Variants in ZNF516 observed in about 807,000 individuals in gnomAD.
The protein encoded by ZNF516 is zinc finger protein 516.
In ZNF516, 19 loss-of-function variants were observed where a neutral mutation model predicts 79.7. That is an observed-to-expected ratio of 0.24 (90% CI 0.17 to 0.35). ZNF516 has a LOEUF of 0.35. ZNF516 is among the 10% of genes least tolerant of loss of function. The probability of loss-of-function intolerance (pLI) is 1.00; values close to 1 mark genes in which losing one functional copy is unlikely to be tolerated. For synonymous variants in ZNF516, 877 were observed against 739.5 expected, an observed-to-expected ratio of 1.19 and a Z score of -3.02; for missense variants, 1,678 against 1,679.5, an observed-to-expected ratio of 1.00 and a Z score of 0.02.
In ZNF516 at chr18:76,370,576, C is replaced by A. The variant is rs374036186; in HGVS notation, c.3384G>T (p.Gly1128=). 3.1e-6 allele frequency: 5 copies of A among 1,605,470 alleles called. No homozygotes were observed. Among genetic ancestry groups the A allele is most frequent in the Non-Finnish European group, 1.7e-6 (2 of 1,175,672 alleles). ...TGGTATGAACTTCAGAACCCCGAGG[C>A]CCATCGGACTCAAACACCACTGTGG... ...RAHSVVFESD[G]PRGSEVHTTS... The change falls in exon 6 of 7, where the codon GGG becomes GGT. Residue 1128 remains glycine, a synonymous_variant. Coordinates refer to ENST00000443185, the MANE Select transcript of ZNF516 (RefSeq NM_014643.4).
intron 2 of ZNF516, 47 bp from the exon 3 acceptor site, chr18:76,443,258 G>A: frequency 1.4e-6 from 1 of 734,740 alleles, no homozygotes; most frequent in Non-Finnish European, 2.1e-6. Flanking sequence ...GGCTAAGAGG[G>A]CACAGGCATG....
chr18:76,371,486 G>T lies in ZNF516; in HGVS notation c.3345C>A (p.Ala1115=). Residue 1115 remains alanine, a synonymous_variant, in exon 5 of 7, where the codon GCC becomes GCA. Coordinates refer to ENST00000443185, the MANE Select transcript of ZNF516 (RefSeq NM_014643.4). ...CGATACCTGAGTGTGCCCGCATGTG[G>T]GCCCTGAGGTGGCCGGGCTGGTGGA... ...KSFHQPGHLR[A]HMRAHSVVFE... 6.2e-7 allele frequency: 1 copy of T among 1,608,728 alleles called. No homozygotes were observed.
chr18:76,398,199 T>C (rs983251288), intron 3 of ZNF516, among the ~76,000 whole-genome samples: 2 of 152,236 alleles, frequency 1.3e-5, no homozygotes, highest in Non-Finnish European at 2.9e-5. Context: ...GTGAATCGAA[T>C]TCAAGTTGGC....
intron 1 of ZNF516, among the ~76,000 whole-genome samples, chr18:76,466,598 T>A (rs1913487332): frequency 6.6e-6 from 1 of 152,034 alleles, no homozygotes. Flanking sequence ...CTCCAGGAGA[T>A]CTAGTCAAGG....
intron 2 of ZNF516, among the ~76,000 whole-genome samples, chr18:76,458,778 C>A (rs373117880): frequency 1.4e-5 from 2 of 142,906 alleles, no homozygotes; most frequent in African/African-American, 5.3e-5. Context: ...GCCTCGTGTG[C>A]GTGCCTCACC....
intron 3 of ZNF516, among the ~76,000 whole-genome samples, chr18:76,424,641 C>CA (rs2075565612): frequency 7.6e-6 from 1 of 132,126 alleles, no homozygotes; most frequent in Non-Finnish European, 1.6e-5. Context: ...CCCCGAAACA[C>CA]ACGCAGGTGA....
intron 3 of ZNF516, among the ~76,000 whole-genome samples, chr18:76,420,234 A>T (rs892181535): frequency 4.6e-5 from 7 of 152,234 alleles, no homozygotes; most frequent in Non-Finnish European, 1.0e-4. Flanking sequence ...GCAGCTGGAG[A>T]TGGTGTAAAA....
At chr18:76,370,375 G>A (rs530452706) in intron 6 of ZNF516, among the ~76,000 whole-genome samples, 153 bp downstream of exon 6, 2 of 152,234 alleles carry the variant, frequency 1.3e-5, no homozygotes, top group South Asian at 2.1e-4. Flanking sequence ...AGACGGCCCC[G>A]AAGGGTCAGG....
intron 3 of ZNF516, among the ~76,000 whole-genome samples, chr18:76,406,553 G>C (rs2075306905): frequency 2.0e-5 from 3 of 152,148 alleles, no homozygotes; most frequent in Admixed American, 6.5e-5. Flanking sequence ...GACAGAGCGA[G>C]ACTCTGTCTA....
intron 2 of ZNF516, among the ~76,000 whole-genome samples, chr18:76,461,309 C>T (rs1446123274): frequency 6.6e-6 from 1 of 152,232 alleles, no homozygotes; most frequent in Non-Finnish European, 1.5e-5. Flanking sequence ...GCCAGTGTCT[C>T]GTCTAACAGA....
At chr18:76,419,548 A>G (rs1356222846) in intron 3 of ZNF516, among the ~76,000 whole-genome samples, 1 of 152,240 alleles carries the variant, frequency 6.6e-6, no homozygotes, top group Non-Finnish European at 1.5e-5. Flanking sequence ...CTTGAACTGT[A>G]GCTCCATAAT....
chr18:76,382,930 C>T (rs1005197221), intron 3 of ZNF516, among the ~76,000 whole-genome samples: 3 of 150,708 alleles, frequency 2.0e-5, no homozygotes, highest in African/African-American at 7.3e-5. Context: ...CCTCTAATCC[C>T]GAGGCTGAGG....
intron 2 of ZNF516, among the ~76,000 whole-genome samples, chr18:76,457,610 A>G (rs1912808189): frequency 6.6e-6 from 1 of 152,132 alleles, no homozygotes; most frequent in African/African-American, 2.4e-5. Context: ...CCAGCTACTC[A>G]AGAGGCTGAG....
chr18:76,426,724 A>G (rs1293864763), intron 3 of ZNF516, among the ~76,000 whole-genome samples: 1 of 152,228 alleles, frequency 6.6e-6, no homozygotes, highest in African/African-American at 2.4e-5. Context: ...TAAAGGGAAC[A>G]TTATTTCTCA....
chr18:76,367,557 G>A (rs2074634659), intron 6 of ZNF516, among the ~76,000 whole-genome samples: 1 of 152,164 alleles, frequency 6.6e-6, no homozygotes, highest in African/African-American at 2.4e-5. Flanking sequence ...AGTTCCTCCA[G>A]TGGAATGTGT....
At chr18:76,473,171 A>G (rs1335170222) in intron 1 of ZNF516, among the ~76,000 whole-genome samples, 1 of 152,268 alleles carries the variant, frequency 6.6e-6, no homozygotes, top group Non-Finnish European at 1.5e-5. Flanking sequence ...CAAGAAATAT[A>G]ATTCATATTC....
chr18:76,399,696 C>A (rs1006313442), intron 3 of ZNF516, among the ~76,000 whole-genome samples: 2 of 152,170 alleles, frequency 1.3e-5, no homozygotes, highest in African/African-American at 4.8e-5. Flanking sequence ...ACTCGAGGTC[C>A]ACAGGTCTGA....
chr18:76,415,173 C>T (rs1416076926), intron 3 of ZNF516, among the ~76,000 whole-genome samples: 1 of 151,610 alleles, frequency 6.6e-6, no homozygotes, highest in African/African-American at 2.4e-5. Flanking sequence ...ACTCCAGCAG[C>T]GTGGGCAACA....
At chr18:76,417,677 G>T (rs1308734076) in intron 3 of ZNF516, among the ~76,000 whole-genome samples, 1 of 151,980 alleles carries the variant, frequency 6.6e-6, no homozygotes, top group Non-Finnish European at 1.5e-5. Context: ...ATATTAACTT[G>T]GTAGCTTTCA....
Sources: gnomAD v4.1 joint callset for allele counts (sites outside exome capture counted in the v4.1 genomes callset) on GRCh38, gnomAD v4.1.1 for gene constraint, MANE v1.5 for transcripts, NCBI Gene and HGNC (gene_info 2026-07-23, HGNC 2026-07-21) for gene names.